TTC34: variants seen among roughly 807,000 people sequenced by gnomAD.
The protein encoded by TTC34 is tetratricopeptide repeat protein 34.
A neutral mutation model predicts 40.7 loss-of-function variants in TTC34; 44 were observed. The ratio of observed to expected loss-of-function variants is 1.08; its 90% CI spans 0.85 to 1.39. The LOEUF (loss-of-function observed/expected upper bound fraction) is 1.39. TTC34 is among the 40% of genes most tolerant of loss of function. The pLI is 0.00. For synonymous variants in TTC34, 422 were observed against 398.6 expected (o/e 1.06, Z -0.70); for missense variants, 884 against 838.0 (o/e 1.05, Z -0.68).
intron 6 of TTC34, among the ~76,000 whole-genome samples, chr1:2,780,845 G>T (rs577463355): frequency 3.9e-4 from 59 of 152,104 alleles, no homozygotes; most frequent in African/African-American, 1.4e-3. Flanking sequence ...GATCACTTTG[G>T]GTAATACTGA....
At chr1:2,751,927 T>C (rs1379913831) in intron 6 of TTC34, among the ~76,000 whole-genome samples, 271 of 15,026 alleles carry the variant, frequency 0.018, no homozygotes, top group East Asian at 0.041. Context: ...GCAGCACGCA[T>C]AACCACAGGT....
At chr1:2,753,415 C>T (rs1641393329) in intron 6 of TTC34, among the ~76,000 whole-genome samples, 1 of 122,956 alleles carries the variant, frequency 8.1e-6, no homozygotes. Context: ...AGCACCCACA[C>T]CCACAGGTGA....
intron 6 of TTC34, among the ~76,000 whole-genome samples, chr1:2,683,201 G>A: frequency 6.9e-6 from 1 of 145,052 alleles, no homozygotes; most frequent in Non-Finnish European, 1.5e-5. Flanking sequence ...CCACAGGCGA[G>A]CATCTGAGAG....
At chr1:2,777,368 C>G (rs967118735) in intron 6 of TTC34, among the ~76,000 whole-genome samples, 4 of 149,206 alleles carry the variant, frequency 2.7e-5, no homozygotes, top group South Asian at 4.3e-4. Flanking sequence ...TGGAGCAACA[C>G]CCCACACCTC....
chr1:2,677,733 C>T (rs1363040884), intron 6 of TTC34, among the ~76,000 whole-genome samples: 7 of 151,450 alleles, frequency 4.6e-5, no homozygotes, highest in Admixed American at 2.6e-4. Flanking sequence ...ACCCTGCACC[C>T]CCAGGTGAGC....
At chr1:2,776,445 C>A (rs1012869409) in intron 6 of TTC34, 1 of 123,948 alleles carries the variant, frequency 8.1e-6, no homozygotes, top group Admixed American at 7.7e-5. Context: ...AGACCACTGC[C>A]CCCAGGTGAG....
At chr1:2,677,624 T>A (rs1182201776) in intron 6 of TTC34, among the ~76,000 whole-genome samples, 1 of 150,384 alleles carries the variant, frequency 6.6e-6, no homozygotes, top group African/African-American at 2.5e-5. Context: ...CAGGTGAGCA[T>A]CTGACAGCCT....
At chr1:2,778,808 A>T (rs1218986196) in intron 6 of TTC34, among the ~76,000 whole-genome samples, 1 of 152,220 alleles carries the variant, frequency 6.6e-6, no homozygotes, top group Non-Finnish European at 1.5e-5. Context: ...GTGTGGTGGC[A>T]TTAAATACAT....
chr1:2,785,905 A>G (rs1356873068), exon 5 of TTC34: 12 of 1,538,154 alleles, frequency 7.8e-6, no homozygotes, highest in Non-Finnish European at 1.1e-5. Context: ...TGCCCGCAGG[A>G]TGGCCAGGGC....
At chr1:2,779,979 G>A (rs558753467) in intron 6 of TTC34, among the ~76,000 whole-genome samples, 3 of 152,088 alleles carry the variant, frequency 2.0e-5, no homozygotes, top group Admixed American at 1.3e-4. Flanking sequence ...CCAGGCGTGG[G>A]GTCGCCCACC....
chr1:2,698,691 C>G (rs796710868), intron 6 of TTC34, among the ~76,000 whole-genome samples: 1 of 35,766 alleles, frequency 2.8e-5, no homozygotes, highest in African/African-American at 9.5e-5. Flanking sequence ...CCCACACCCC[C>G]AGGTGAGCAT....
intron 6 of TTC34, among the ~76,000 whole-genome samples, chr1:2,747,705 C>A (rs1245221471): frequency 2.1e-3 from 73 of 35,356 alleles, no homozygotes; most frequent in East Asian, 6.1e-3. Context: ...CAGCTTGGAA[C>A]AGCACCCCGC....
At chr1:2,787,543 G>C in exon 4 of TTC34, 4 of 1,539,514 alleles carry the variant, frequency 2.6e-6, no homozygotes, top group Non-Finnish European at 3.5e-6. Context: ...GCCAGCACAG[G>C]GGCTGCCTGG....
At chr1:2,696,842 T>C (rs1422440823) in intron 6 of TTC34, among the ~76,000 whole-genome samples, 16 of 26,188 alleles carry the variant, frequency 6.1e-4, no homozygotes, top group African/African-American at 7.0e-4. Flanking sequence ...CACCCACACC[T>C]TCCGGCGAGC....
intron 6 of TTC34, among the ~76,000 whole-genome samples, chr1:2,759,783 TGCAACAGTACCCACACTCCCA>T: frequency 7.2e-6 from 1 of 138,880 alleles, no homozygotes; most frequent in Non-Finnish European, 1.5e-5. Flanking sequence ...TCTCACAGCC[TGCAACAGTACCCACACTCCCA>T]GGCGAGCATC....
chr1:2,784,211 T>C (rs912212926), intron 5 of TTC34, among the ~76,000 whole-genome samples: 7 of 152,172 alleles, frequency 4.6e-5, no homozygotes, highest in Admixed American at 2.6e-4. Flanking sequence ...CAAAGGACAG[T>C]GGGCCCTTCC....
intron 6 of TTC34, among the ~76,000 whole-genome samples, chr1:2,687,887 C>T (rs1640437690): frequency 7.3e-6 from 1 of 137,652 alleles, no homozygotes; most frequent in African/African-American, 2.9e-5. Context: ...GAACCCACAT[C>T]CCCAGGTGAG....
At chr1:2,683,657 G>A (rs1640185088) in intron 6 of TTC34, among the ~76,000 whole-genome samples, 1 of 147,410 alleles carries the variant, frequency 6.8e-6, no homozygotes. Context: ...CTGACAGCCT[G>A]GAGCAGCACG....
intron 6 of TTC34, among the ~76,000 whole-genome samples, chr1:2,691,992 C>A (rs781300681): frequency 4.6e-5 from 2 of 43,188 alleles, no homozygotes; most frequent in South Asian, 8.3e-4. Context: ...CACCCCCAGG[C>A]GAGCATCTGA....
Sources: allele counts gnomAD v4.1 joint callset (sites outside exome capture counted in the v4.1 genomes callset), GRCh38; gene constraint gnomAD v4.1.1; transcripts MANE v1.5; gene names NCBI Gene and HGNC (gene_info 2026-07-23, HGNC 2026-07-21).